ANKRD30BL: variants seen among roughly 807,000 people sequenced by gnomAD.
ANKRD30BL encodes the protein putative ankyrin repeat domain-containing protein 30B-like.
A neutral mutation model predicts 18.4 loss-of-function variants in ANKRD30BL; 20 were observed. That is an observed-to-expected ratio of 1.09 (90% CI 0.77 to 1.58). The LOEUF is 1.58. Among genes scored for constraint, ANKRD30BL ranks in the 40% most tolerant of loss-of-function variants. ANKRD30BL has a pLI of 0.00. For missense variants in ANKRD30BL, 224 were observed against 268.6 expected (o/e 0.83, Z 1.16); for synonymous variants, 72 against 100.9 (o/e 0.71, Z 1.72).
chr2:132,152,551 G>A (rs1221523622), intron 4 of ANKRD30BL: 2 of 152,154 alleles, frequency 1.3e-5, no homozygotes, highest in Non-Finnish European at 2.9e-5. Flanking sequence ...AATCACTTGA[G>A]GGGACAACCA....
At chr2:132,204,097 C>G (rs201897023) in intron 1 of ANKRD30BL, among the ~76,000 whole-genome samples, 2 of 152,260 alleles carry the variant, frequency 1.3e-5, no homozygotes, top group South Asian at 2.1e-4. Flanking sequence ...AAGATCTCAG[C>G]CTTTGTATCA....
chr2:132,198,819 T>C (rs189129192), intron 1 of ANKRD30BL, among the ~76,000 whole-genome samples: 1,716 of 152,154 alleles, frequency 0.011, 29 homozygotes, highest in African/African-American at 0.039. Flanking sequence ...CGTTTCGCCA[T>C]GTTGGCTAGG....
chr2:132,171,345 G>A (rs1446012155), intron 1 of ANKRD30BL, among the ~76,000 whole-genome samples: 1 of 152,058 alleles, frequency 6.6e-6, no homozygotes, highest in Non-Finnish European at 1.5e-5. Flanking sequence ...TCTCAAAGGC[G>A]AACCCAAAGA....
chr2:132,214,435 T>G (rs1306010785), intron 1 of ANKRD30BL, among the ~76,000 whole-genome samples: 11 of 152,050 alleles, frequency 7.2e-5, no homozygotes, highest in Admixed American at 4.6e-4. Context: ...GGAAACACTC[T>G]TTTTGTAGAT....
At chr2:132,167,890 C>T (rs1688217027) in intron 1 of ANKRD30BL, among the ~76,000 whole-genome samples, 1 of 152,156 alleles carries the variant, frequency 6.6e-6, no homozygotes, top group African/African-American at 2.4e-5. Context: ...TATGACATTG[C>T]TATTGTTCAT....
chr2:132,233,950 A>C (rs986013596), intron 1 of ANKRD30BL, among the ~76,000 whole-genome samples: 5 of 152,156 alleles, frequency 3.3e-5, no homozygotes, highest in African/African-American at 1.2e-4. Flanking sequence ...AGCTCTCCTC[A>C]GCAAATGTAA....
intron 1 of ANKRD30BL, among the ~76,000 whole-genome samples, chr2:132,221,598 G>T (rs1380464598): frequency 2.3e-5 from 3 of 133,142 alleles, no homozygotes; most frequent in East Asian, 4.7e-4. Flanking sequence ...GGAGGTGGGG[G>T]GATCAGCCCC....
In ANKRD30BL at chr2:132,232,326, C is replaced by G. The variant is rs533962742; in HGVS notation, n.441+25203G>C. On this transcript the variant is annotated intron_variant and non_coding_transcript_variant, in intron 1 of 4. Transcript: ENST00000470729. Reference sequence around the variant, plus strand: ...GTTCCTCACCAGCAACGGAACAAAGCTGGATGGAGAATGACTTTGACGAGC... The same window carrying G: ...GTTCCTCACCAGCAACGGAACAAAGGTGGATGGAGAATGACTTTGACGAGC... Among the ~76,000 whole-genome samples the G allele has an allele frequency of 2.0e-5, 3 of 152,304 alleles. No homozygotes were observed. The South Asian group carries it at 6.2e-4, about 32-fold the overall frequency.
intron 1 of ANKRD30BL, among the ~76,000 whole-genome samples, chr2:132,182,668 A>G (rs1424646121): frequency 1.3e-5 from 2 of 152,160 alleles, no homozygotes; most frequent in African/African-American, 2.4e-5. Flanking sequence ...ATCTTGATCT[A>G]TAAGTCTAAA....
intron 1 of ANKRD30BL, among the ~76,000 whole-genome samples, chr2:132,177,941 TA>T (rs1688394291): frequency 6.6e-6 from 1 of 152,220 alleles, no homozygotes; most frequent in Non-Finnish European, 1.5e-5. Flanking sequence ...ATGCCATTTT[TA>T]ATGTTACCTA....
chr2:132,235,547 G>A (rs62166176), intron 1 of ANKRD30BL, among the ~76,000 whole-genome samples: 3 of 151,822 alleles, frequency 2.0e-5, no homozygotes, highest in Non-Finnish European at 4.4e-5. Flanking sequence ...ACCAACAACA[G>A]ACAAACAGAG....
At position 132,214,993 on chromosome 2, in the gene ANKRD30BL, G is replaced by T. The variant is rs182707119; in HGVS notation, n.441+42536C>A. ...ACATTTGGAGAGCTGTGTGGCCTAT[G>T]GTGGAAAAAGAAATATCTTCCCATA... On this transcript the variant is annotated intron_variant and non_coding_transcript_variant, in intron 1 of 4. Coordinates refer to the ANKRD30BL transcript ENST00000470729. Among the ~76,000 whole-genome samples, 786 of 152,144 alleles carry T rather than the reference G, an allele frequency of 5.2e-3. 2 individuals carry two copies. Among genetic ancestry groups the T allele is most frequent in the African/African-American group, 0.017 (720 of 41,546 alleles).
At chr2:132,233,925 C>G (rs1362933179) in intron 1 of ANKRD30BL, among the ~76,000 whole-genome samples, 1 of 152,118 alleles carries the variant, frequency 6.6e-6, no homozygotes, top group Non-Finnish European at 1.5e-5. Flanking sequence ...AAATTGACCA[C>G]ACAGTTGGAA....
At chr2:132,240,075 T>C (rs111384813) in intron 1 of ANKRD30BL, among the ~76,000 whole-genome samples, 1 of 151,862 alleles carries the variant, frequency 6.6e-6, no homozygotes, top group Admixed American at 6.6e-5. Context: ...AGAGCAGTTA[T>C]GAAACACTCT....
intron 1 of ANKRD30BL, among the ~76,000 whole-genome samples, chr2:132,198,108 G>C (rs1250006894): frequency 6.6e-6 from 1 of 151,616 alleles, no homozygotes; most frequent in East Asian, 1.9e-4. Flanking sequence ...AGTCATTTCT[G>C]CATACACTGA....
chr2:132,209,321 C>T (rs1260605647), intron 1 of ANKRD30BL, among the ~76,000 whole-genome samples: 8 of 151,496 alleles, frequency 5.3e-5, no homozygotes, highest in Non-Finnish European at 1.2e-4. Context: ...GCTTTGGGAC[C>T]TCTAGAGGAA....
chr2:132,148,828 GATA>G (rs1421485021), intron 5 of ANKRD30BL, among the ~76,000 whole-genome samples: 16 of 151,160 alleles, frequency 1.1e-4, no homozygotes, highest in Admixed American at 1.1e-3. Flanking sequence ...TAAAAAAGAT[GATA>G]ATAACAAGAA....
At chr2:132,206,035 G>C (rs1235907089) in intron 1 of ANKRD30BL, among the ~76,000 whole-genome samples, 2 of 152,060 alleles carry the variant, frequency 1.3e-5, no homozygotes, top group South Asian at 2.1e-4. Flanking sequence ...TTGGGCGCCT[G>C]TAATCCTAGC....
At chr2:132,239,944 G>A (rs1417010593) in intron 1 of ANKRD30BL, among the ~76,000 whole-genome samples, 1 of 151,206 alleles carries the variant, frequency 6.6e-6, no homozygotes, top group East Asian at 2.0e-4. Flanking sequence ...GTGGACATTT[G>A]GATAGCTTTG....
Sources: gnomAD v4.1 joint callset for allele counts (sites outside exome capture counted in the v4.1 genomes callset) on GRCh38, gnomAD v4.1.1 for gene constraint, MANE v1.5 for transcripts, NCBI Gene and HGNC (gene_info 2026-07-23, HGNC 2026-07-21) for gene names.